Variants in AVL9 observed in about 807,000 individuals in gnomAD.
The protein encoded by AVL9 is AVL9 cell migration associated.
In AVL9, 49 loss-of-function variants were observed where a neutral mutation model predicts 79.2. That is an observed-to-expected ratio of 0.62 (90% CI 0.49 to 0.79). The LOEUF (loss-of-function observed/expected upper bound fraction) is 0.79, where lower values mean the gene tolerates loss of function less well. AVL9 is among the 30% of genes least tolerant of loss of function. The pLI is 0.00. For synonymous variants in AVL9, 299 were observed against 280.6 expected (o/e 1.07, Z -0.65); for missense variants, 682 against 776.8 (o/e 0.88, Z 1.45).
At position 32,580,787 on chromosome 7, in the gene AVL9, T is replaced by C. The variant is rs112223913; in HGVS notation, c.1743-15T>C. On this transcript the variant is annotated splice_polypyrimidine_tract_variant and intron_variant, in intron 14 of 15. Coordinates refer to ENST00000318709, the MANE Select transcript of AVL9 (RefSeq NM_015060.3). ...AATTGTACCTAACACTTCTTTTATC[T>C]TATCTTTTACCCAGTTCTGTTCAGA... The C allele has an allele frequency of 9.2e-5, 147 of 1,604,720 alleles. 1 individual carries two copies. The African/African-American group carries it at 1.7e-3, about 19-fold the overall frequency.
chr7:32,500,395 T>C (rs1787069908), intron 1 of AVL9, among the ~76,000 whole-genome samples: 1 of 152,178 alleles, frequency 6.6e-6, no homozygotes, highest in African/African-American at 2.4e-5. Context: ...TTTTGAGAAG[T>C]GTCTGTTCAT....
At chr7:32,556,519 A>AAATAAACGAATGAATG (rs111960786) in intron 8 of AVL9, among the ~76,000 whole-genome samples, 23 of 149,578 alleles carry the variant, frequency 1.5e-4, no homozygotes, top group Admixed American at 4.0e-4. Context: ...ATCTCAAAGT[A>AAATAAACGAATGAATG]AATGAATGAA....
chr7:32,504,304 A>G (rs1022484481), intron 1 of AVL9, among the ~76,000 whole-genome samples: 3 of 152,158 alleles, frequency 2.0e-5, no homozygotes, highest in Non-Finnish European at 4.4e-5. Flanking sequence ...CTTTGATGAC[A>G]TCTTTGTATA....
chr7:32,521,607 A>G (rs1266304611), intron 1 of AVL9, among the ~76,000 whole-genome samples: 4 of 152,236 alleles, frequency 2.6e-5, no homozygotes, highest in Admixed American at 1.3e-4. Flanking sequence ...GAAGCAGAGC[A>G]TAAAAGTTTG....
chr7:32,534,440 T>C (rs979120820), intron 1 of AVL9: 2 of 152,112 alleles, frequency 1.3e-5, no homozygotes, highest in Non-Finnish European at 2.9e-5. Flanking sequence ...ATGATTACCT[T>C]GTGAATACAT....
chr7:32,516,893 A>G (rs865848476), intron 1 of AVL9, among the ~76,000 whole-genome samples: 3 of 151,934 alleles, frequency 2.0e-5, no homozygotes, highest in African/African-American at 7.2e-5. Context: ...AATGGTCTTT[A>G]TGGTCTTTTT....
intron 1 of AVL9, among the ~76,000 whole-genome samples, chr7:32,524,092 G>A (rs970802123): frequency 3.3e-5 from 5 of 150,694 alleles, no homozygotes; most frequent in South Asian, 4.2e-4. Context: ...CAAGTGATCC[G>A]CCCATCTCAG....
intron 2 of AVL9, among the ~76,000 whole-genome samples, chr7:32,543,584 C>A (rs1209672372): frequency 6.6e-6 from 1 of 152,240 alleles, no homozygotes; most frequent in African/African-American, 2.4e-5. Context: ...CCAGCACCAG[C>A]TGTACATTGC....
intron 1 of AVL9, among the ~76,000 whole-genome samples, chr7:32,516,797 C>G (rs1787921469): frequency 6.8e-6 from 1 of 146,806 alleles, no homozygotes; most frequent in African/African-American, 2.5e-5. Flanking sequence ...GGGAAACAAT[C>G]TAAGAATGGG....
intron 12 of AVL9, among the ~76,000 whole-genome samples, chr7:32,573,864 G>T (rs988599427): frequency 1.3e-5 from 2 of 152,162 alleles, no homozygotes; most frequent in African/African-American, 4.8e-5. Context: ...TGAAAATCGT[G>T]TTGTAAATGA....
chr7:32,577,854 G>A (rs867131527), intron 13 of AVL9, among the ~76,000 whole-genome samples: 3 of 152,180 alleles, frequency 2.0e-5, no homozygotes, highest in Middle Eastern at 3.2e-3. Context: ...AAATCATGCA[G>A]ATATGATAGT....
intron 3 of AVL9, 63 bp from the exon 4 acceptor site, chr7:32,548,783 GA>G (rs1789656499): frequency 1.7e-6 from 2 of 1,187,630 alleles, no homozygotes; most frequent in Admixed American, 5.3e-5. Flanking sequence ...TTTTTATGTT[GA>G]AAAAATATTT....
At chr7:32,526,850 T>G (rs1338267182) in intron 1 of AVL9, among the ~76,000 whole-genome samples, 2 of 152,110 alleles carry the variant, frequency 1.3e-5, no homozygotes, top group Non-Finnish European at 2.9e-5. Context: ...ATAGCAGTTT[T>G]CCCACCTCAC....
chr7:32,571,684 A>G (rs1333231402), intron 11 of AVL9, among the ~76,000 whole-genome samples: 1 of 38,228 alleles, frequency 2.6e-5, no homozygotes, highest in South Asian at 1.0e-3. Context: ...AAGAAGAAAA[A>G]GTACATTTTC....
chr7:32,580,528 G>A (rs1791448475), intron 14 of AVL9, among the ~76,000 whole-genome samples: 1 of 152,206 alleles, frequency 6.6e-6, no homozygotes, highest in Non-Finnish European at 1.5e-5. Flanking sequence ...GCAAGCCGTG[G>A]CTGTCGGAGA....
intron 1 of AVL9, chr7:32,535,247 A>G (rs1334082537): frequency 6.6e-6 from 1 of 152,220 alleles, no homozygotes; most frequent in Non-Finnish European, 1.5e-5. Flanking sequence ...TGTAAATAAA[A>G]TCTTTGGAGA....
At chr7:32,565,057 C>T (rs1354794238) in intron 10 of AVL9, among the ~76,000 whole-genome samples, 1 of 152,128 alleles carries the variant, frequency 6.6e-6, no homozygotes, top group Non-Finnish European at 1.5e-5. Context: ...GTCTTCCCAT[C>T]TTGTTACTGA....
chr7:32,524,529 T>TACACACACAC (rs34652596), intron 1 of AVL9, among the ~76,000 whole-genome samples: 6 of 132,270 alleles, frequency 4.5e-5, no homozygotes, highest in African/African-American at 1.7e-4. Flanking sequence ...GAGGGAGAAA[T>TACACACACAC]ACACACACAC....
At chr7:32,547,539 G>A (rs1789577052) in intron 3 of AVL9, among the ~76,000 whole-genome samples, 1 of 152,188 alleles carries the variant, frequency 6.6e-6, no homozygotes, top group Non-Finnish European at 1.5e-5. Context: ...CCTCAGTGCT[G>A]TTTTAACAGC....
Sources: allele counts gnomAD v4.1 joint callset (sites outside exome capture counted in the v4.1 genomes callset), GRCh38; gene constraint gnomAD v4.1.1; transcripts MANE v1.5; gene names NCBI Gene and HGNC (gene_info 2026-07-23, HGNC 2026-07-21).